LRRC7: variants seen among roughly 807,000 people sequenced by gnomAD.
LRRC7 encodes the protein leucine-rich repeat-containing protein 7.
Under a neutral mutation model 175.7 loss-of-function variants are expected in LRRC7, and 23 were observed. The observed-to-expected ratio is 0.13, with a 90% CI of 0.09 to 0.19. The LOEUF is 0.19. LRRC7 is among the 10% of genes least tolerant of loss of function. The probability of loss-of-function intolerance (pLI) is 1.00; values close to 1 mark genes in which losing one functional copy is unlikely to be tolerated. For synonymous variants in LRRC7, 685 were observed against 680.9 expected (o/e 1.01, Z -0.09); for missense variants, 1,354 against 1,904.7 (o/e 0.71, Z 5.38).
intron 11 of LRRC7, among the ~76,000 whole-genome samples, chr1:69,999,788 A>G (rs964627025): frequency 3.3e-5 from 5 of 152,202 alleles, no homozygotes; most frequent in African/African-American, 7.2e-5. Context: ...TGGGATGTAC[A>G]TCTTCCAGAA....
intron 23 of LRRC7, among the ~76,000 whole-genome samples, chr1:70,054,395 TC>T (rs1571189240): frequency 1.3e-5 from 2 of 151,966 alleles, no homozygotes; most frequent in East Asian, 3.9e-4. Context: ...CAAGCAAAAC[TC>T]AAAATATATT....
chr1:69,639,012 G>T (rs1653802314), intron 1 of LRRC7, among the ~76,000 whole-genome samples: 1 of 151,730 alleles, frequency 6.6e-6, no homozygotes, highest in African/African-American at 2.4e-5. Context: ...ACTCCTTTTA[G>T]TATCTAAGTT....
chr1:69,721,933 C>A (rs1369334539), intron 2 of LRRC7, among the ~76,000 whole-genome samples: 2 of 151,766 alleles, frequency 1.3e-5, no homozygotes, highest in African/African-American at 4.8e-5. Context: ...TACATTCACA[C>A]TGTCATGCAA....
At chr1:69,818,325 T>C (rs964217214) in intron 4 of LRRC7, among the ~76,000 whole-genome samples, 1 of 152,080 alleles carries the variant, frequency 6.6e-6, no homozygotes, top group Non-Finnish European at 1.5e-5. Context: ...TATGAAAGGA[T>C]GTTGGATTTT....
chr1:69,838,910 T>A (rs1171753736), intron 7 of LRRC7: 1 of 156,622 alleles, frequency 6.4e-6, no homozygotes, highest in Non-Finnish European at 1.4e-5. Flanking sequence ...CTTATTCATG[T>A]GTAACAATAG....
chr1:69,794,052 T>C (rs925080055), intron 4 of LRRC7, among the ~76,000 whole-genome samples: 3 of 152,258 alleles, frequency 2.0e-5, no homozygotes, highest in African/African-American at 4.8e-5. Context: ...TCTTAGACAA[T>C]GGTGGATTAA....
intron 9 of LRRC7, among the ~76,000 whole-genome samples, chr1:69,984,645 T>C (rs1477446565): frequency 1.3e-5 from 2 of 152,162 alleles, no homozygotes; most frequent in African/African-American, 4.8e-5. Flanking sequence ...AATCAGTTAC[T>C]AATCCAATCA....
intron 1 of LRRC7, among the ~76,000 whole-genome samples, chr1:69,573,514 T>C (rs1165059309): frequency 6.6e-6 from 1 of 152,202 alleles, no homozygotes. Flanking sequence ...TCTAGTAGAA[T>C]CTGTCATATA....
intron 1 of LRRC7, among the ~76,000 whole-genome samples, chr1:69,570,581 C>G (rs543205045): frequency 6.6e-6 from 1 of 152,120 alleles, no homozygotes; most frequent in African/African-American, 2.4e-5. Context: ...ACACCACCTT[C>G]CCAGTCCAAG....
At chr1:69,688,631 G>T (rs1290361439) in intron 2 of LRRC7, among the ~76,000 whole-genome samples, 10 of 124,502 alleles carry the variant, frequency 8.0e-5, no homozygotes, top group African/African-American at 1.4e-4. Context: ...TCTTTTTATG[G>T]TTTTTTTTTT....
chr1:69,736,896 T>C (rs564078709), intron 2 of LRRC7, among the ~76,000 whole-genome samples: 1 of 152,244 alleles, frequency 6.6e-6, no homozygotes, highest in South Asian at 2.1e-4. Flanking sequence ...GACAATAAGT[T>C]GTAAACCAAG....
chr1:69,836,797 G>A (rs1681160572), intron 6 of LRRC7, among the ~76,000 whole-genome samples: 1 of 151,474 alleles, frequency 6.6e-6, no homozygotes, highest in South Asian at 2.1e-4. Context: ...ATATACCCAT[G>A]CCGTGAAGAA....
At chr1:69,919,619 G>A (rs961412728) in intron 7 of LRRC7, 6 of 845,556 alleles carry the variant, frequency 7.1e-6, no homozygotes, top group African/African-American at 3.3e-5. Context: ...GCTGATCAGC[G>A]GCTACATCCA....
rs1396072454 is a variant in LRRC7, at chr1:70,131,135, C to T, written c.*9248C>T. 6.6e-6 allele frequency among the ~76,000 whole-genome samples: 1 copy of T among 152,104 alleles called. No individual in the cohort carries two copies. The highest frequency in any genetic ancestry group is 2.4e-5 in the African/African-American group (1 of 41,422). On this transcript the variant is annotated 3_prime_UTR_variant, in exon 27 of 27. Coordinates refer to ENST00000651989, the MANE Select transcript of LRRC7 (RefSeq NM_001370785.2). ...AGCACAGAAAAAAAATCAGGGTTAC[C>T]TTGACAAAACCATGTTACCCCTCCC...
chr1:69,797,782 T>C (rs1675968539), intron 4 of LRRC7, among the ~76,000 whole-genome samples: 1 of 152,212 alleles, frequency 6.6e-6, no homozygotes. Context: ...CTCTCCAATA[T>C]AAGATATGTC....
intron 1 of LRRC7, among the ~76,000 whole-genome samples, chr1:69,639,394 G>A (rs754441382): frequency 5.3e-5 from 8 of 151,650 alleles, no homozygotes; most frequent in Non-Finnish European, 1.0e-4. Context: ...GAGCCTAAGT[G>A]GTATGGTTTT....
At chr1:69,837,953 A>G (rs569456233) in intron 6 of LRRC7, among the ~76,000 whole-genome samples, 1 of 151,686 alleles carries the variant, frequency 6.6e-6, no homozygotes, top group Admixed American at 6.6e-5. Context: ...TATTATGGGT[A>G]CATATAGTTG....
intron 10 of LRRC7, among the ~76,000 whole-genome samples, chr1:69,992,328 A>G (rs890961358): frequency 6.6e-6 from 1 of 152,128 alleles, no homozygotes; most frequent in Admixed American, 6.6e-5. Flanking sequence ...TTAAAATTGT[A>G]GGAAAAGGCC....
At chr1:70,086,277 C>T (rs1663602259) in intron 24 of LRRC7, among the ~76,000 whole-genome samples, 1 of 152,086 alleles carries the variant, frequency 6.6e-6, no homozygotes, top group Non-Finnish European at 1.5e-5. Flanking sequence ...GTGTGCACTA[C>T]CATGCCAAGC....
Sources: gnomAD v4.1 joint callset for allele counts (sites outside exome capture counted in the v4.1 genomes callset) on GRCh38, gnomAD v4.1.1 for gene constraint, MANE v1.5 for transcripts, NCBI Gene and HGNC (gene_info 2026-07-23, HGNC 2026-07-21) for gene names.